The following FRMPD4 variants were observed in gnomAD, a reference collection of about 807,000 sequenced individuals.
The protein encoded by FRMPD4 is FERM and PDZ domain-containing protein 4.
FRMPD4 carries 22 observed loss-of-function variants against 94.1 expected under a neutral mutation model. The observed-to-expected ratio is 0.23, with a 90% CI of 0.17 to 0.33. The LOEUF (loss-of-function observed/expected upper bound fraction) is 0.33. Among genes scored for constraint, FRMPD4 ranks in the 10% least tolerant of loss-of-function variants. The probability of loss-of-function intolerance (pLI) is 1.00; values close to 1 mark genes in which losing one functional copy is unlikely to be tolerated. For synonymous variants in FRMPD4, 631 were observed against 548.6 expected (o/e 1.15, Z -2.10); for missense variants, 1,111 against 1,339.9 (o/e 0.83, Z 2.67).
chrX:12,089,571 A>C (rs1181534788), intron 3 of FRMPD4, among the ~76,000 whole-genome samples: 1 of 111,782 alleles, frequency 8.9e-6, no homozygotes, highest in Admixed American at 9.5e-5. Context: ...GTATCTTTTC[A>C]TATGTTCGTT....
chrX:12,290,998 G>A (rs2054678400), intron 1 of FRMPD4, among the ~76,000 whole-genome samples: 1 of 70,986 alleles, frequency 1.4e-5, no homozygotes. Flanking sequence ...CCTTCATCTT[G>A]TGACTTTAAT....
intron 1 of FRMPD4, among the ~76,000 whole-genome samples, chrX:12,184,307 A>G (rs1357112689): frequency 9.0e-6 from 1 of 111,560 alleles, no homozygotes; most frequent in Admixed American, 9.5e-5. Flanking sequence ...TATTACAGAG[A>G]TGGCATTGAG....
At chrX:12,015,324 G>A (rs2054599613) in intron 3 of FRMPD4, among the ~76,000 whole-genome samples, 1 of 111,234 alleles carries the variant, frequency 9.0e-6, no homozygotes, top group Non-Finnish European at 1.9e-5. Context: ...AGAACACACT[G>A]CCCCTCATCT....
chrX:11,977,360 G>T (rs1158579324), intron 3 of FRMPD4, among the ~76,000 whole-genome samples: 2 of 112,304 alleles, frequency 1.8e-5, no homozygotes, highest in Non-Finnish European at 3.8e-5. Flanking sequence ...ACTTTGTGTT[G>T]CTTATTCCTC....
chrX:12,686,603 T>A (rs1330726448), intron 7 of FRMPD4, among the ~76,000 whole-genome samples: 1 of 112,098 alleles, frequency 8.9e-6, no homozygotes, highest in Non-Finnish European at 1.9e-5. Context: ...TAATTGAATA[T>A]TTGCTACTTT....
chrX:12,306,092 A>C (rs1018183437), intron 1 of FRMPD4, among the ~76,000 whole-genome samples: 1 of 108,860 alleles, frequency 9.2e-6, no homozygotes, highest in Non-Finnish European at 1.9e-5. Flanking sequence ...AAAAAAAAAA[A>C]AAAAACAAAA....
chrX:12,426,381 G>T (rs191645961), intron 1 of FRMPD4, among the ~76,000 whole-genome samples: 4 of 111,302 alleles, frequency 3.6e-5, no homozygotes, highest in Non-Finnish European at 5.7e-5. Context: ...CCTGAGGGAT[G>T]GTTGAGAGCA....
intron 3 of FRMPD4, among the ~76,000 whole-genome samples, chrX:11,996,780 G>C (rs370722131): frequency 2.7e-5 from 3 of 111,818 alleles, no homozygotes; most frequent in Non-Finnish European, 5.7e-5. Context: ...GGAGGCAAGA[G>C]AATATAGAAA....
Position 12,058,633 on chromosome X carries a change from C to T in FRMPD4, c.95+180615C>T, listed in dbSNP as rs866414503. Among the ~76,000 whole-genome samples the T allele has an allele frequency of 1.7e-3, 189 of 110,995 alleles. 1 individual carries two copies. The Middle Eastern group carries it at 0.019, about 11-fold the overall frequency. ...TACGATGAAACAAAAGGTGATGAAACTAAAATATCTAATTAAATATAATTA... is the reference window on the plus strand; with the variant it reads ...TACGATGAAACAAAAGGTGATGAAATTAAAATATCTAATTAAATATAATTA... On this transcript the variant is annotated intron_variant, in intron 3 of 18. Coordinates refer to the FRMPD4 transcript ENST00000640291.
intron 3 of FRMPD4, among the ~76,000 whole-genome samples, chrX:12,018,855 A>G (rs1250230184): frequency 1.8e-5 from 2 of 112,135 alleles, no homozygotes; most frequent in East Asian, 5.6e-4. Context: ...TTAGGACTTC[A>G]ACATATCTTT....
chrX:12,035,256 T>C (rs1264056501), intron 3 of FRMPD4, among the ~76,000 whole-genome samples: 2 of 111,832 alleles, frequency 1.8e-5, no homozygotes, highest in African/African-American at 6.5e-5. Context: ...TTGTAAGTGT[T>C]ATATGGTTTC....
chrX:12,481,960 A>AAAAATAAAAAAAAAT (rs2057690492), intron 1 of FRMPD4, among the ~76,000 whole-genome samples: 1 of 98,220 alleles, frequency 1.0e-5, no homozygotes, highest in Non-Finnish European at 2.1e-5. Context: ...AAAAAAAAAA[A>AAAAATAAAAAAAAAT]AAAAAAAAAA....
intron 3 of FRMPD4, among the ~76,000 whole-genome samples, chrX:11,966,483 T>A (rs1439014150): frequency 9.0e-6 from 1 of 111,390 alleles, no homozygotes; most frequent in Non-Finnish European, 1.9e-5. Context: ...TGATTCTGAA[T>A]GACCCAGTCT....
intron 1 of FRMPD4, among the ~76,000 whole-genome samples, chrX:12,293,642 A>G (rs1479278578): frequency 1.8e-5 from 2 of 112,382 alleles, no homozygotes; most frequent in Non-Finnish European, 3.8e-5. Context: ...CTTTTTAAGT[A>G]TTTTCACTTT....
chrX:12,688,794 G>T (rs1227061963), intron 7 of FRMPD4, among the ~76,000 whole-genome samples: 7 of 92,404 alleles, frequency 7.6e-5, no homozygotes, highest in Admixed American at 1.2e-4. Context: ...CATTTCTCTT[G>T]AATGATTTTT....
At chrX:12,522,081 CTT>C (rs1476159636) in intron 2 of FRMPD4, among the ~76,000 whole-genome samples, 5 of 104,351 alleles carry the variant, frequency 4.8e-5, no homozygotes, top group African/African-American at 1.8e-4. Flanking sequence ...CATATAATGA[CTT>C]TGTTCTTTAT....
chrX:12,065,808 GTTTATATGT>G (rs936069593), intron 3 of FRMPD4, among the ~76,000 whole-genome samples: 6 of 112,116 alleles, frequency 5.4e-5, no homozygotes, highest in Admixed American at 9.5e-5. Flanking sequence ...TAATTTTAAT[GTTTATATGT>G]TTAGAAATCC....
At chrX:12,550,550 G>A (rs1343066844) in intron 2 of FRMPD4, among the ~76,000 whole-genome samples, 1 of 111,596 alleles carries the variant, frequency 9.0e-6, no homozygotes, top group East Asian at 2.8e-4. Context: ...CATGCCAAGT[G>A]CAAAAACTGT....
At chrX:11,862,289 G>A (rs1383466147) in intron 1 of FRMPD4, among the ~76,000 whole-genome samples, 6 of 111,510 alleles carry the variant, frequency 5.4e-5, no homozygotes, top group Non-Finnish European at 1.1e-4. Context: ...GTAGTAGAGG[G>A]AGGAAACAGC....
Sources: gnomAD v4.1 joint callset for allele counts (sites outside exome capture counted in the v4.1 genomes callset) on GRCh38, gnomAD v4.1.1 for gene constraint, MANE v1.5 for transcripts, NCBI Gene and HGNC (gene_info 2026-07-23, HGNC 2026-07-21) for gene names.